GAS6: variants seen among roughly 807,000 people sequenced by gnomAD.
GAS6 encodes the protein growth arrest specific 6.
Under a neutral mutation model 75.8 loss-of-function variants are expected in GAS6, and 41 were observed. The ratio of observed to expected loss-of-function variants is 0.54; its 90% CI spans 0.42 to 0.70. The LOEUF is 0.70. Among genes scored for constraint, GAS6 ranks in the 30% least tolerant of loss-of-function variants. The pLI is 0.00. For missense variants in GAS6, 854 were observed against 940.2 expected, an observed-to-expected ratio of 0.91 and a Z score of 1.20; for synonymous variants, 432 against 412.6, an observed-to-expected ratio of 1.05 and a Z score of -0.57.
chr13:113,852,111 G>T (rs1415555907), intron 2 of GAS6, among the ~76,000 whole-genome samples: 2 of 152,262 alleles, frequency 1.3e-5, no homozygotes, highest in African/African-American at 2.4e-5. Context: ...TGGCGCAACT[G>T]TGAGTGGCCC....
At position 113,822,206 on chromosome 13, in the gene GAS6, G is replaced by T; in HGVS notation, c.1654-20C>A. 6.7e-7 allele frequency: 1 copy of T among 1,503,122 alleles called. No individual in the cohort carries two copies. The highest frequency in any genetic ancestry group is 9.0e-7 in the Non-Finnish European group (1 of 1,116,580). The allele number at this position is 1,503,122 out of a possible 1,614,324, so 93.1% of individuals were successfully genotyped here. A position where few individuals can be genotyped will look rare whatever the true frequency, so the allele number is the denominator to read the frequency against. ...CACCAGCTGCAGGAGACCGAGGTGT[G>T]GTCAGGGCCTGCCGGCCACCCCTAC... On this transcript the variant is annotated intron_variant, in intron 13 of 14. Transcript: ENST00000327773.
At chr13:113,821,893 G>T in intron 14 of GAS6, 65 bp downstream of exon 14, 1 of 1,302,924 alleles carries the variant, frequency 7.7e-7, no homozygotes, top group Non-Finnish European at 1.0e-6. Flanking sequence ...GGTTAGATCT[G>T]GGGTGACCAA....
At chr13:113,855,100 A>G (rs946996860) in intron 2 of GAS6, among the ~76,000 whole-genome samples, 2 of 152,248 alleles carry the variant, frequency 1.3e-5, no homozygotes, top group African/African-American at 4.8e-5. Flanking sequence ...AAACAGCAAA[A>G]TAAAATAGTC....
intron 7 of GAS6, 23 bp downstream of exon 7, chr13:113,835,490 G>A: frequency 1.2e-6 from 2 of 1,610,776 alleles, no homozygotes; most frequent in Non-Finnish European, 1.7e-6. Flanking sequence ...GAGAAAGCGA[G>A]GGTGACCGCG....
Position 113,839,725 on chromosome 13 carries a change from T to C in GAS6, c.466+3A>G. ...CCCCGCCTTTGTCTTCAGCCTCACG[T>C]ACCTTTGTCGCAGAGCCGGCCCCCC... is the stretch of plus-strand genomic sequence containing the variant. On this transcript the variant is annotated splice_donor_region_variant and intron_variant, in intron 5 of 14. Transcript: ENST00000327773. The C allele has an allele frequency of 1.2e-6, 2 of 1,613,644 alleles. No homozygotes were observed. The highest frequency in any genetic ancestry group is 1.7e-6 in the Non-Finnish European group (2 of 1,179,776).
Position 113,863,488 on chromosome 13 carries a change from G to C in GAS6, c.255+87C>G. On this transcript the variant is annotated intron_variant, in intron 2 of 14. Coordinates refer to ENST00000327773, the MANE Select transcript of GAS6 (RefSeq NM_000820.4). The surrounding 1 kb of genome is among the most constrained non-coding windows in gnomAD (Gnocchi z 9.4). ...GCCAGGCCTCGCCGCGCGGAGCTGG[G>C]GGGCGGCAGCAGCGCTGCCTCTCGG... The C allele has an allele frequency of 7.6e-7, 1 of 1,321,278 alleles. No individual in the cohort carries two copies. The highest frequency in any genetic ancestry group is 3.5e-5 in the Admixed American group (1 of 28,520). 81.8% of individuals were successfully genotyped at this position (1,321,278 alleles called of 1,614,324 possible).
chr13:113,848,087 G>T lies in GAS6; in HGVS notation c.256-37C>A, dbSNP rs750422712. The T allele has an allele frequency of 1.2e-6, 2 of 1,608,526 alleles. No homozygotes were observed. The highest frequency in any genetic ancestry group is 1.1e-5 in the South Asian group (1 of 90,838). ...GAAAAAGAAAAGGCAAGCATTGACC[G>T]GCACACTACGAGGGTCTCTGAACAA... is the stretch of plus-strand genomic sequence containing the variant. On this transcript the variant is annotated intron_variant, in intron 2 of 14. Coordinates refer to ENST00000327773, the MANE Select transcript of GAS6 (RefSeq NM_000820.4). This position sits in a 1 kb window ranked among gnomAD's most constrained non-coding sequence, Gnocchi z 4.8.
At chr13:113,831,408 C>T (rs895006629) in intron 10 of GAS6, among the ~76,000 whole-genome samples, 20 of 152,134 alleles carry the variant, frequency 1.3e-4, no homozygotes, top group African/African-American at 4.6e-4. Flanking sequence ...GGCCACGGCC[C>T]GGGAGACACG....
At chr13:113,846,837 C>T (rs935166936) in intron 3 of GAS6, 48 of 542,136 alleles carry the variant, frequency 8.9e-5, no homozygotes, top group Non-Finnish European at 1.5e-4. Flanking sequence ...AAGCACCGCC[C>T]GCCGTTTCGA....
At chr13:113,862,565 G>C (rs1043523124) in intron 2 of GAS6, among the ~76,000 whole-genome samples, 2 of 152,210 alleles carry the variant, frequency 1.3e-5, no homozygotes, top group African/African-American at 2.4e-5. Flanking sequence ...GGCAGCCCCC[G>C]GGCAACAGCC....
chr13:113,834,194 C>T (rs951292503), intron 8 of GAS6, among the ~76,000 whole-genome samples: 12 of 137,222 alleles, frequency 8.7e-5, no homozygotes, highest in East Asian at 2.3e-4. Flanking sequence ...TGACAGGCAC[C>T]GGTGTGACAG....
At chr13:113,831,517 C>T (rs2051630283) in intron 10 of GAS6, among the ~76,000 whole-genome samples, 1 of 152,078 alleles carries the variant, frequency 6.6e-6, no homozygotes, top group African/African-American at 2.4e-5. Flanking sequence ...GCTTCTGTTC[C>T]CCACTCTGCT....
intron 10 of GAS6, among the ~76,000 whole-genome samples, chr13:113,831,466 C>T (rs1278834163): frequency 6.6e-6 from 1 of 152,166 alleles, no homozygotes; most frequent in African/African-American, 2.4e-5. Flanking sequence ...GCGGCCTCCT[C>T]CCCTGGTGGG....
chr13:113,834,492 C>G lies in GAS6; in HGVS notation c.834+59G>C, dbSNP rs750612310. 24 of 1,424,536 alleles carry G rather than the reference C, an allele frequency of 1.7e-5. No homozygotes were observed. In the East Asian group the frequency reaches 6.0e-4, roughly 36 times the overall value. The allele number at this position is 1,424,536 out of a possible 1,614,324, so 88.2% of individuals were successfully genotyped here. ...ACGGAAGTGTTTCTCCCGAAAGCCC[C>G]CACCGGCGAGGGCCCCCGGAACCAC... On this transcript the variant is annotated intron_variant, in intron 8 of 14. Transcript: ENST00000327773.
intron 2 of GAS6, among the ~76,000 whole-genome samples, chr13:113,861,645 G>A (rs553217676): frequency 6.6e-6 from 1 of 152,178 alleles, no homozygotes; most frequent in African/African-American, 2.4e-5. Flanking sequence ...GGTCCTGGGA[G>A]GGGTGGGCCT....
chr13:113,847,884 G>A, intron 3 of GAS6, 142 bp downstream of exon 3: 1 of 780,910 alleles, frequency 1.3e-6, no homozygotes, highest in Non-Finnish European at 2.2e-6. Context: ...TGACCTGCAT[G>A]TTCCGGACAG....
intron 8 of GAS6, chr13:113,833,392 G>A (rs1386997229): frequency 1.2e-5 from 12 of 993,490 alleles, no homozygotes; most frequent in African/African-American, 1.0e-4. Flanking sequence ...AGAGCCCCAC[G>A]GCTGCATCCC....
chr13:113,828,338 A>G (rs2051580824), intron 11 of GAS6, among the ~76,000 whole-genome samples: 1 of 152,218 alleles, frequency 6.6e-6, no homozygotes, highest in Non-Finnish European at 1.5e-5. Context: ...ATTCAGATGA[A>G]AACTTAGGTC....
At chr13:113,850,852 G>C (rs2051867668) in intron 2 of GAS6, among the ~76,000 whole-genome samples, 1 of 152,136 alleles carries the variant, frequency 6.6e-6, no homozygotes, top group Non-Finnish European at 1.5e-5. Flanking sequence ...ATGGATAGAT[G>C]CATGTATGGA....
Sources: allele counts gnomAD v4.1 joint callset (sites outside exome capture counted in the v4.1 genomes callset), GRCh38; gene constraint gnomAD v4.1.1; non-coding constraint Gnocchi (gnomAD v3.1); transcripts MANE v1.5; gene names NCBI Gene and HGNC (gene_info 2026-07-23, HGNC 2026-07-21).